The following MED15 variants were observed in gnomAD, a reference collection of about 807,000 sequenced individuals.
MED15 encodes mediator of RNA polymerase II transcription subunit 15.
A neutral mutation model predicts 118.7 loss-of-function variants in MED15; 41 were observed. The ratio of observed to expected loss-of-function variants is 0.35; its 90% CI spans 0.27 to 0.45. The LOEUF is 0.45. Ranked by LOEUF, MED15 falls within the 20% of genes least tolerant of loss-of-function variation. The pLI, the probability that MED15 is intolerant of heterozygous loss-of-function variation, is 1.00. For synonymous variants in MED15, 436 were observed against 413.9 expected, an observed-to-expected ratio of 1.05 and a Z score of -0.65; for missense variants, 740 against 1,025.5, an observed-to-expected ratio of 0.72 and a Z score of 3.80.
At chr22:20,554,706 T>C (rs165609) in intron 4 of MED15, 127,560 of 431,436 alleles carry the variant, frequency 0.3, 20,185 homozygotes, top group East Asian at 0.51. Flanking sequence ...ACATTAGGAC[T>C]CTGGTCCAGG....
At chr22:20,561,807 G>C (rs2056252440) in intron 5 of MED15, among the ~76,000 whole-genome samples, 1 of 152,132 alleles carries the variant, frequency 6.6e-6, no homozygotes, top group African/African-American at 2.4e-5. Flanking sequence ...TTGAGCCCAG[G>C]AGTTCAAGAC....
intron 8 of MED15, among the ~76,000 whole-genome samples, chr22:20,571,814 T>C (rs1343243440): frequency 6.6e-6 from 1 of 152,192 alleles, no homozygotes; most frequent in Non-Finnish European, 1.5e-5. Flanking sequence ...TAAAAGTATG[T>C]GTGGTAACTG....
chr22:20,555,021 G>A lies in MED15; in HGVS notation c.324G>A (p.Gln108=). ...GCATGCCTCCTCGGGGCCCGGGACA[G>A]TCTCTGGGCGGGATGGGTAGCCTTG... is the stretch of plus-strand genomic sequence containing the variant. ...GIGMPPRGPG[Q]SLGGMGSLGA... The change falls in exon 5 of 18, where the codon CAG becomes CAA. Residue 108 remains glutamine (Q), a synonymous_variant. Coordinates refer to ENST00000263205, the MANE Select transcript of MED15 (RefSeq NM_001003891.3). 5 of 1,612,624 alleles carry A rather than the reference G, an allele frequency of 3.1e-6. No homozygotes were observed. The highest frequency in any genetic ancestry group is 4.2e-6 in the Non-Finnish European group (5 of 1,180,022).
chr22:20,563,988 C>T (rs1301996667), intron 5 of MED15, among the ~76,000 whole-genome samples: 2 of 152,174 alleles, frequency 1.3e-5, no homozygotes, highest in East Asian at 1.9e-4. Context: ...CACAGGAAAT[C>T]GGTGTAGTAG....
chr22:20,517,910 G>A (rs1213926313), intron 1 of MED15, among the ~76,000 whole-genome samples: 1 of 152,084 alleles, frequency 6.6e-6, no homozygotes, highest in Non-Finnish European at 1.5e-5. Context: ...TAAAAATGTC[G>A]ATTTCCTCCA....
chr22:20,563,869 T>G (rs1386791779), intron 5 of MED15, among the ~76,000 whole-genome samples: 1 of 152,226 alleles, frequency 6.6e-6, no homozygotes, highest in Non-Finnish European at 1.5e-5. Context: ...TTTTAGAACA[T>G]TTTTATGTTC....
At chr22:20,583,651 A>T (rs1460060947) in intron 13 of MED15, 1 of 490,378 alleles carries the variant, frequency 2.0e-6, no homozygotes. Context: ...GACCTCATCC[A>T]GTCAGCAGCC....
chr22:20,552,892 G>A (rs2146522851), intron 3 of MED15, among the ~76,000 whole-genome samples: 1 of 152,356 alleles, frequency 6.6e-6, no homozygotes, highest in East Asian at 1.9e-4. Flanking sequence ...CAACCCCAGA[G>A]TGCTTCAGCC....
chr22:20,558,070 A>C (rs1290426201), intron 5 of MED15, among the ~76,000 whole-genome samples: 2 of 152,126 alleles, frequency 1.3e-5, no homozygotes, highest in Non-Finnish European at 2.9e-5. Context: ...GTGCCACTGC[A>C]CTCCAGCCTG....
intron 3 of MED15, among the ~76,000 whole-genome samples, chr22:20,551,974 G>A (rs756171843): frequency 4.7e-4 from 72 of 152,174 alleles, no homozygotes; most frequent in Admixed American, 2.2e-3. Context: ...TTAACCTCAC[G>A]TTGTGCCTCC....
intron 5 of MED15, among the ~76,000 whole-genome samples, chr22:20,560,413 C>T (rs540475591): frequency 7.9e-5 from 12 of 152,198 alleles, no homozygotes; most frequent in South Asian, 4.1e-4. Flanking sequence ...TACAGGCGCG[C>T]GCCACTACGC....
chr22:20,520,575 T>C (rs1005787943), intron 1 of MED15, among the ~76,000 whole-genome samples: 1 of 152,176 alleles, frequency 6.6e-6, no homozygotes, highest in African/African-American at 2.4e-5. Context: ...AATTGAGGTA[T>C]AATCCCTATC....
chr22:20,545,473 C>CAAAAAAAAAAA (rs56307139), intron 2 of MED15, among the ~76,000 whole-genome samples: 2 of 90,112 alleles, frequency 2.2e-5, no homozygotes, highest in African/African-American at 8.6e-5. Flanking sequence ...GACTCCACCT[C>CAAAAAAAAAAA]AAAAAAAAAA....
rs957875578 is a variant in MED15, at chr22:20,508,094, G to A, written c.68+348G>A. 3.1e-6 allele frequency: 4 copies of A among 1,290,782 alleles called. No individual in the cohort carries two copies. In the African/African-American group the frequency reaches 6.0e-5, roughly 20 times the overall value. 80.0% of individuals were successfully genotyped at this position (1,290,782 alleles called of 1,614,324 possible). On this transcript the variant is annotated intron_variant, in intron 1 of 17. Coordinates refer to ENST00000263205, the MANE Select transcript of MED15 (RefSeq NM_001003891.3). ...GGAGAGAAGCAGCCGGCTGTAGTGG[G>A]TTTAGCAGGGCTGGGTGCTTCATGG...
At position 20,582,628 on chromosome 22, in the gene MED15, C is replaced by T; in HGVS notation, c.1290C>T (p.Leu430=). ...ACTTCCAGGTCAGCCAGAGCAGCCT[C>T]CCCATGCTGTCCTCGCCGTCACCGG... ...QPMAQVSQSS[L]PMLSSPSPGQ... Residue 430 remains leucine, a synonymous_variant, in exon 10 of 18, where the codon CTC becomes CTT. Transcript: ENST00000263205. The T allele has an allele frequency of 6.4e-7, 1 of 1,566,820 alleles. No individual in the cohort carries two copies. The highest frequency in any genetic ancestry group is 8.6e-7 in the Non-Finnish European group (1 of 1,162,628).
chr22:20,564,774 C>T, intron 6 of MED15, 86 bp downstream of exon 6: 1 of 1,581,928 alleles, frequency 6.3e-7, no homozygotes, highest in Non-Finnish European at 8.6e-7. Context: ...GGGTGCAGTG[C>T]CCGGAGCCAG....
chr22:20,585,594 A>T (rs2057110419), intron 16 of MED15, 134 bp from the exon 17 acceptor site: 1 of 823,422 alleles, frequency 1.2e-6, no homozygotes, highest in Non-Finnish European at 1.9e-6. Context: ...TGAGAGTCAG[A>T]GAGACCTCCT....
chr22:20,564,732 G>A (rs373182627), intron 6 of MED15, 44 bp downstream of exon 6: 32 of 1,611,258 alleles, frequency 2.0e-5, no homozygotes, highest in Admixed American at 3.3e-5. Flanking sequence ...CTCCTGCAGC[G>A]TGAGCCCTGG....
chr22:20,587,576 T>C lies in MED15; in HGVS notation c.*872T>C. ...AGAGGTCCCCCCTTTTTATGTGCAC[T>C]ACCCCACCATCTGTGATTATAATAA... On this transcript the variant is annotated 3_prime_UTR_variant, in exon 18 of 18. Transcript: ENST00000263205. 1 of 426,596 alleles carries C rather than the reference T, an allele frequency of 2.3e-6. No homozygotes were observed. The highest frequency in any genetic ancestry group is 3.9e-6 in the Non-Finnish European group (1 of 255,350). 26.4% of individuals were successfully genotyped at this position (426,596 alleles called of 1,614,324 possible).
Sources: gnomAD v4.1 joint callset for allele counts (sites outside exome capture counted in the v4.1 genomes callset) on GRCh38, gnomAD v4.1.1 for gene constraint, MANE v1.5 for transcripts, NCBI Gene and HGNC (gene_info 2026-07-23, HGNC 2026-07-21) for gene names.